Variants in ADAMTS9 observed in about 807,000 individuals in gnomAD.
ADAMTS9 encodes ADAM metallopeptidase with thrombospondin type 1 motif 9, also known as A disintegrin and metalloproteinase with thrombospondin motifs 9.
In ADAMTS9, 107 loss-of-function variants were observed where a neutral mutation model predicts 257.1. The observed-to-expected ratio is 0.42, with a 90% CI of 0.36 to 0.49. ADAMTS9 has a LOEUF of 0.49. Among genes scored for constraint, ADAMTS9 ranks in the 20% least tolerant of loss-of-function variants. The pLI is 0.03. For missense variants in ADAMTS9, 2,353 were observed against 2,469.1 expected (o/e 0.95, Z 1.00); for synonymous variants, 982 against 880.9 (o/e 1.11, Z -2.03).
intron 3 of ADAMTS9, among the ~76,000 whole-genome samples, chr3:64,661,074 T>C (rs1263821092): frequency 6.6e-6 from 1 of 152,188 alleles, no homozygotes; most frequent in Non-Finnish European, 1.5e-5. Flanking sequence ...AGACATCCAC[T>C]GGGGATCTTG....
intron 37 of ADAMTS9, among the ~76,000 whole-genome samples, chr3:64,537,852 C>T (rs2083069864): frequency 6.6e-6 from 1 of 152,174 alleles, no homozygotes; most frequent in African/African-American, 2.4e-5. Flanking sequence ...TCCTGCCTTC[C>T]AAGGGCAGAA....
At chr3:64,647,869 G>C in intron 11 of ADAMTS9, 71 bp downstream of exon 11, 1 of 1,354,610 alleles carries the variant, frequency 7.4e-7, no homozygotes, top group South Asian at 1.3e-5. Flanking sequence ...AAACATCGGT[G>C]TCTGATCATA....
chr3:64,530,338 T>C (rs1215808784), intron 38 of ADAMTS9, among the ~76,000 whole-genome samples: 3 of 151,986 alleles, frequency 2.0e-5, no homozygotes, highest in Non-Finnish European at 4.4e-5. Context: ...GGAAGCCTAT[T>C]TTCAGGTAGC....
chr3:64,656,146 C>A, intron 4 of ADAMTS9: 1 of 291,204 alleles, frequency 3.4e-6, no homozygotes. Context: ...TGTACCAGAA[C>A]ACTGGATATT....
intron 3 of ADAMTS9, among the ~76,000 whole-genome samples, chr3:64,678,492 G>T (rs1020505060): frequency 2.0e-5 from 3 of 152,180 alleles, no homozygotes; most frequent in African/African-American, 7.2e-5. Flanking sequence ...CATTTGCCTG[G>T]GAGAGGGGTT....
In ADAMTS9 at chr3:64,604,332, C is replaced by T; in HGVS notation, c.3475-1G>A. Reference sequence around the variant, plus strand: ...GATGACATGATGGTAATTCACAGTCCTAGACGTGATGGGGGAAAAAAAAAC... The same window carrying T: ...GATGACATGATGGTAATTCACAGTCTTAGACGTGATGGGGGAAAAAAAAAC... On this transcript the variant is annotated splice_acceptor_variant, in intron 23 of 39. Coordinates refer to ENST00000498707, the MANE Select transcript of ADAMTS9 (RefSeq NM_182920.2). LOFTEE classifies it high-confidence loss of function. 1 of 1,586,244 alleles carries T rather than the reference C, an allele frequency of 6.3e-7. No homozygotes were observed. The highest frequency in any genetic ancestry group is 8.6e-7 in the Non-Finnish European group (1 of 1,166,636).
chr3:64,584,915 A>G (rs2084109113), intron 28 of ADAMTS9, among the ~76,000 whole-genome samples: 1 of 152,194 alleles, frequency 6.6e-6, no homozygotes, highest in Non-Finnish European at 1.5e-5. Context: ...GGATATCATC[A>G]TTATTAATAC....
rs7614362 is a variant in ADAMTS9, at chr3:64,583,407, A to T, written c.4356+10851T>A. On this transcript the variant is annotated intron_variant, in intron 28 of 39. Transcript: ENST00000498707. ...TTATGGGAAATTCAACTCTCCAGAG[A>T]GAAGAGCTTTCAGATAGCTGCGGGA... 1.1e-4 allele frequency: 17 copies of T among 152,204 alleles called. No homozygotes were observed. The East Asian group carries it at 2.5e-3, about 22-fold the overall frequency. The allele number at this position is 152,204 out of a possible 1,614,324, so 9.4% of individuals were successfully genotyped here.
intron 19 of ADAMTS9, among the ~76,000 whole-genome samples, chr3:64,618,128 T>C (rs1307167814): frequency 6.6e-6 from 1 of 152,208 alleles, no homozygotes; most frequent in Non-Finnish European, 1.5e-5. Context: ...TTCTGGTTAA[T>C]TTTAGGAATG....
intron 38 of ADAMTS9, 87 bp downstream of exon 38, chr3:64,533,079 T>G (rs1042608923): frequency 8.1e-7 from 1 of 1,230,656 alleles, no homozygotes; most frequent in Non-Finnish European, 1.2e-6. Context: ...ATTCGTTTGC[T>G]CCTTCAGCAC....
chr3:64,621,495 C>T (rs1251826406), intron 18 of ADAMTS9, among the ~76,000 whole-genome samples: 1 of 152,136 alleles, frequency 6.6e-6, no homozygotes, highest in African/African-American at 2.4e-5. Context: ...GGCACAGTGG[C>T]TCAAACCTGT....
At chr3:64,589,870 G>T (rs1281900925) in intron 28 of ADAMTS9, 1 of 152,080 alleles carries the variant, frequency 6.6e-6, no homozygotes, top group Non-Finnish European at 1.5e-5. Flanking sequence ...GAAATGTATT[G>T]CAGTGAACAA....
chr3:64,677,945 T>G (rs1701662480), intron 3 of ADAMTS9, among the ~76,000 whole-genome samples: 1 of 152,222 alleles, frequency 6.6e-6, no homozygotes, highest in Non-Finnish European at 1.5e-5. Flanking sequence ...ACTCCTTCTA[T>G]GCTTCCCTTT....
chr3:64,595,642 T>C (rs2084351717), intron 27 of ADAMTS9, among the ~76,000 whole-genome samples: 1 of 152,148 alleles, frequency 6.6e-6, no homozygotes, highest in Admixed American at 6.5e-5. Flanking sequence ...AACAAAGCTC[T>C]CCAGAATGAC....
At chr3:64,525,086 C>T (rs1048651650) in intron 38 of ADAMTS9, among the ~76,000 whole-genome samples, 1 of 152,210 alleles carries the variant, frequency 6.6e-6, no homozygotes, top group Non-Finnish European at 1.5e-5. Flanking sequence ...TGTCTTCCTA[C>T]TGGAATGTCA....
At chr3:64,527,653 T>C (rs190617134) in intron 38 of ADAMTS9, among the ~76,000 whole-genome samples, 1 of 152,270 alleles carries the variant, frequency 6.6e-6, no homozygotes, top group East Asian at 1.9e-4. Context: ...ACACAGCATA[T>C]AGGGTTTTTT....
chr3:64,567,611 T>C (rs930927805), intron 29 of ADAMTS9, among the ~76,000 whole-genome samples: 7 of 152,046 alleles, frequency 4.6e-5, no homozygotes, highest in African/African-American at 1.7e-4. Context: ...TCAAGTTCAA[T>C]AGGGAAACTC....
At chr3:64,544,916 A>T (rs754134415) in intron 32 of ADAMTS9, among the ~76,000 whole-genome samples, 2 of 152,222 alleles carry the variant, frequency 1.3e-5, no homozygotes, top group Non-Finnish European at 2.9e-5. Context: ...ACAAATTTAC[A>T]AGAAAAAATC....
intron 3 of ADAMTS9, among the ~76,000 whole-genome samples, chr3:64,660,641 C>A (rs985441966): frequency 6.6e-6 from 1 of 152,112 alleles, no homozygotes; most frequent in Admixed American, 6.6e-5. Context: ...GTAGCCATTC[C>A]GGTGATCAGA....
Sources: gnomAD v4.1 joint callset for allele counts (sites outside exome capture counted in the v4.1 genomes callset) on GRCh38, gnomAD v4.1.1 for gene constraint, MANE v1.5 for transcripts, NCBI Gene and HGNC (gene_info 2026-07-23, HGNC 2026-07-21) for gene names.